The following ME1 variants were observed in gnomAD, a reference collection of about 807,000 sequenced individuals.
ME1 encodes malic enzyme 1, also known as NADP-dependent malic enzyme.
ME1 carries 74 observed loss-of-function variants against 66.4 expected under a neutral mutation model. That is an observed-to-expected ratio of 1.11 (90% confidence interval 0.92 to 1.35). The LOEUF is 1.35. ME1 is among the 40% of genes most tolerant of loss of function. The pLI, the probability that ME1 is intolerant of heterozygous loss-of-function variation, is 0.00. For synonymous variants in ME1, 251 were observed against 235.6 expected (o/e 1.07, Z -0.60); for missense variants, 750 against 694.1 (o/e 1.08, Z -0.90).
chr6:83,228,949 G>T lies in ME1; in HGVS notation c.1027-18C>A, dbSNP rs1196763158. 1.5e-5 allele frequency: 23 copies of T among 1,554,834 alleles called. No homozygotes were observed. In the East Asian group the frequency reaches 4.9e-4, roughly 33 times the overall value. On this transcript the variant is annotated intron_variant, in intron 9 of 13. Transcript: ENST00000369705. ...GCACGTCCCTAAGTAAAGCCAGTAA[G>T]AAAAAATTAAGAATCTGCCAAACAT...
chr6:83,345,677 A>G (rs1409064065), intron 5 of ME1, among the ~76,000 whole-genome samples: 3 of 152,082 alleles, frequency 2.0e-5, no homozygotes, highest in African/African-American at 7.2e-5. Context: ...AATCCTAAAT[A>G]TTAGCAGTAA....
At chr6:83,265,198 A>ATT (rs1766967940) in intron 6 of ME1, among the ~76,000 whole-genome samples, 3 of 152,236 alleles carry the variant, frequency 2.0e-5, no homozygotes, top group Admixed American at 2.0e-4. Flanking sequence ...AATAGCAATA[A>ATT]AGTTATTTCT....
At chr6:83,261,347 T>C (rs1766884454) in intron 6 of ME1, among the ~76,000 whole-genome samples, 1 of 151,940 alleles carries the variant, frequency 6.6e-6, no homozygotes, top group African/African-American at 2.4e-5. Context: ...TTCTGGATAC[T>C]AGAACTTTGT....
At chr6:83,325,562 A>G (rs1487452380) in intron 5 of ME1, among the ~76,000 whole-genome samples, 1 of 152,198 alleles carries the variant, frequency 6.6e-6, no homozygotes, top group Non-Finnish European at 1.5e-5. Context: ...GCATTCCTAT[A>G]TACCAATAAT....
chr6:83,235,514 A>G (rs897223384), intron 9 of ME1, among the ~76,000 whole-genome samples: 2 of 136,548 alleles, frequency 1.5e-5, no homozygotes, highest in Admixed American at 8.4e-5. Context: ...TCTGTCACCC[A>G]GGATGGAGTG....
At chr6:83,282,126 A>G (rs1442199932) in intron 6 of ME1, among the ~76,000 whole-genome samples, 1 of 152,126 alleles carries the variant, frequency 6.6e-6, no homozygotes, top group African/African-American at 2.4e-5. Flanking sequence ...AAATAAAGAA[A>G]AAAGATAAAT....
At chr6:83,330,964 C>T (rs1176143749) in intron 5 of ME1, among the ~76,000 whole-genome samples, 1 of 152,144 alleles carries the variant, frequency 6.6e-6, no homozygotes, top group Non-Finnish European at 1.5e-5. Context: ...AATACAGGAT[C>T]ACTTGTCTGA....
At chr6:83,287,562 A>G (rs1215150266) in intron 6 of ME1, among the ~76,000 whole-genome samples, 1 of 152,214 alleles carries the variant, frequency 6.6e-6, no homozygotes, top group Non-Finnish European at 1.5e-5. Flanking sequence ...ATTGATGGAC[A>G]TTTGGGTTGG....
At chr6:83,259,906 C>T (rs532498811) in intron 6 of ME1, among the ~76,000 whole-genome samples, 1 of 152,182 alleles carries the variant, frequency 6.6e-6, no homozygotes, top group African/African-American at 2.4e-5. Context: ...ATTCTCATCC[C>T]CTCAAGTTTC....
chr6:83,346,510 T>C (rs570821817), intron 4 of ME1, among the ~76,000 whole-genome samples, 176 bp from the exon 5 acceptor site: 2 of 152,280 alleles, frequency 1.3e-5, no homozygotes, highest in Admixed American at 1.3e-4. Context: ...GGTGAAGAAA[T>C]GAACTTGATT....
intron 5 of ME1, among the ~76,000 whole-genome samples, chr6:83,317,913 T>C (rs1339767946): frequency 1.3e-5 from 2 of 152,026 alleles, no homozygotes; most frequent in Non-Finnish European, 2.9e-5. Context: ...ACTACAAGGC[T>C]ACAGTAACCA....
Position 83,227,349 on chromosome 6 carries a change from A to G in ME1, c.1261T>C (p.Tyr421His), listed in dbSNP as rs778121038. ...TTTTACTTTACCTTGGTTATTTTGT[A>G]GCACTGCTCTGCAGAACATTCTGCT... ...SKAECSAEQC[Y>H]KITKGRAIFA... is the part of the protein sequence containing the mutation. The change falls in exon 11 of 14, where the codon TAC (tyrosine) becomes CAC (histidine). Residue 421 changes from tyrosine to histidine, a missense_variant. Tyr to His is a moderately conservative substitution (Grantham distance 83). Transcript: ENST00000369705. The G allele has an allele frequency of 1.3e-6, 2 of 1,551,700 alleles. No homozygotes were observed. Among genetic ancestry groups the G allele is most frequent in the Non-Finnish European group, 1.7e-6 (2 of 1,143,792 alleles).
chr6:83,359,425 T>C (rs917901097), intron 3 of ME1, among the ~76,000 whole-genome samples: 6 of 152,114 alleles, frequency 3.9e-5, no homozygotes, highest in Admixed American at 3.9e-4. Context: ...TGAGTGGATA[T>C]TAAGGGTGTG....
chr6:83,384,068 A>G (rs963330016), intron 3 of ME1, among the ~76,000 whole-genome samples: 3 of 151,736 alleles, frequency 2.0e-5, no homozygotes, highest in Admixed American at 6.6e-5. Context: ...TATCCAATCC[A>G]CTGCTGGTGG....
In ME1 at chr6:83,317,084, A is replaced by G. The variant is rs373418305; in HGVS notation, c.601-1671T>C. Among the ~76,000 whole-genome samples the G allele has an allele frequency of 2.0e-5, 3 of 152,348 alleles. No homozygotes were observed. In the East Asian group the frequency reaches 5.8e-4, roughly 29 times the overall value. ...CTGACTTGGCTTCTTGTGGCTATAT[A>G]ATAAAGTCTAAAACAGAGAAGAGCT... is the stretch of plus-strand genomic sequence containing the variant. On this transcript the variant is annotated intron_variant, in intron 5 of 13. Transcript: ENST00000369705.
intron 3 of ME1, chr6:83,392,455 A>G: frequency 2.0e-6 from 1 of 500,618 alleles, no homozygotes; most frequent in Non-Finnish European, 3.9e-6. Context: ...ATTTGGTTGT[A>G]TTGGCTGCCT....
chr6:83,303,329 T>G (rs1296100120), intron 6 of ME1, among the ~76,000 whole-genome samples: 6 of 152,162 alleles, frequency 3.9e-5, no homozygotes, highest in Non-Finnish European at 7.4e-5. Flanking sequence ...TGAAAGTAAT[T>G]TTTACTACAA....
At chr6:83,278,553 T>C (rs1388201615) in intron 6 of ME1, among the ~76,000 whole-genome samples, 2 of 152,100 alleles carry the variant, frequency 1.3e-5, no homozygotes, top group Admixed American at 6.6e-5. Context: ...GTGATCCTCC[T>C]GTCTCAGCCT....
chr6:83,218,422 C>T (rs928989107), intron 12 of ME1, among the ~76,000 whole-genome samples: 12 of 152,096 alleles, frequency 7.9e-5, no homozygotes, highest in African/African-American at 2.7e-4. Flanking sequence ...CCCTCCTCAG[C>T]GTGAGCAGTT....
Sources: gnomAD v4.1 joint callset for allele counts (sites outside exome capture counted in the v4.1 genomes callset) on GRCh38, gnomAD v4.1.1 for gene constraint, MANE v1.5 for transcripts, NCBI Gene and HGNC (gene_info 2026-07-23, HGNC 2026-07-21) for gene names.